Variants in PSMD1 observed in about 807,000 individuals in gnomAD.
PSMD1 encodes the protein proteasome 26S subunit, non-ATPase 1, also known as 26S proteasome non-ATPase regulatory subunit 1.
Under a neutral mutation model 119.0 loss-of-function variants are expected in PSMD1, and 18 were observed. The observed-to-expected ratio is 0.15, with a 90% CI of 0.10 to 0.22. PSMD1 has a LOEUF of 0.22. Ranked by LOEUF, PSMD1 falls within the 10% of genes least tolerant of loss-of-function variation. The pLI is 1.00. For missense variants in PSMD1, 702 were observed against 1,158.5 expected (o/e 0.61, Z 5.72); for synonymous variants, 374 against 396.6 (o/e 0.94, Z 0.68).
chr2:231,139,283 C>G (rs1319266927), intron 17 of PSMD1, among the ~76,000 whole-genome samples: 8 of 150,068 alleles, frequency 5.3e-5, no homozygotes, highest in Non-Finnish European at 1.2e-4. Flanking sequence ...GGATTACAGG[C>G]ATGAGCCACC....
intron 1 of PSMD1, among the ~76,000 whole-genome samples, chr2:231,058,520 CTTT>C (rs35559920): frequency 7.0e-6 from 1 of 142,642 alleles, no homozygotes; most frequent in Non-Finnish European, 1.5e-5. Flanking sequence ...ATATACAAAC[CTTT>C]TTTTTTTTTT....
chr2:231,120,904 A>G (rs1695518844), intron 16 of PSMD1, among the ~76,000 whole-genome samples: 2 of 152,342 alleles, frequency 1.3e-5, no homozygotes, highest in Non-Finnish European at 2.9e-5. Context: ...AGAAGTTCTT[A>G]TAAATGCATT....
chr2:231,083,007 TTCTA>T lies in PSMD1; in HGVS notation c.1525+14_1525+17del, dbSNP rs756711909. On this transcript the variant is annotated intron_variant, in intron 13 of 24. Coordinates refer to ENST00000308696, the MANE Select transcript of PSMD1 (RefSeq NM_002807.4). ...GATGCAGTAACAGGTAAGCATTTCT[TTCTA>T]AAGCTAACAAGCTTAAGTATTAATT... 5 of 1,568,268 alleles carry T rather than the reference TTCTA, an allele frequency of 3.2e-6. No individual in the cohort carries two copies. In the South Asian group the frequency reaches 5.6e-5, roughly 17 times the overall value.
chr2:231,162,576 C>T (rs752234702), intron 20 of PSMD1, among the ~76,000 whole-genome samples: 6 of 152,124 alleles, frequency 3.9e-5, no homozygotes, highest in Non-Finnish European at 7.4e-5. Context: ...TGTTTTTACT[C>T]TTTGTGATGA....
intron 10 of PSMD1, 44 bp downstream of exon 10, chr2:231,078,791 CT>C (rs748353083): frequency 0.1 from 35,090 of 339,988 alleles, 1 homozygote; most frequent in Non-Finnish European, 0.12. Context: ...AAATCTTTTT[CT>C]TTTTTTTTTT....
At chr2:231,067,871 G>C (rs1693945494) in intron 5 of PSMD1, among the ~76,000 whole-genome samples, 1 of 152,052 alleles carries the variant, frequency 6.6e-6, no homozygotes, top group Non-Finnish European at 1.5e-5. Flanking sequence ...TGACCAAGCT[G>C]GTCTCAAACT....
At chr2:231,096,386 C>A (rs1308737449) in intron 16 of PSMD1, among the ~76,000 whole-genome samples, 1 of 152,102 alleles carries the variant, frequency 6.6e-6, no homozygotes, top group Non-Finnish European at 1.5e-5. Context: ...TTCCTCTTCC[C>A]TACCCTTTTT....
chr2:231,074,271 A>G (rs757938514), intron 7 of PSMD1, among the ~76,000 whole-genome samples: 1 of 151,896 alleles, frequency 6.6e-6, no homozygotes, highest in Non-Finnish European at 1.5e-5. Flanking sequence ...ATGCCCGGCT[A>G]ATTTTTATAT....
intron 18 of PSMD1, among the ~76,000 whole-genome samples, chr2:231,148,619 T>G (rs944039402): frequency 1.3e-5 from 2 of 152,338 alleles, no homozygotes; most frequent in East Asian, 1.9e-4. Flanking sequence ...TAAATGTAAG[T>G]GTATATACCA....
chr2:231,157,092 T>C (rs562752206), intron 19 of PSMD1, among the ~76,000 whole-genome samples: 5 of 152,222 alleles, frequency 3.3e-5, no homozygotes, highest in Non-Finnish European at 7.4e-5. Flanking sequence ...TTTTCTCTTT[T>C]AGCTGCCACT....
intron 24 of PSMD1, among the ~76,000 whole-genome samples, chr2:231,171,121 A>G (rs1354651311): frequency 6.6e-6 from 1 of 152,214 alleles, no homozygotes; most frequent in African/African-American, 2.4e-5. Context: ...TGGATCAGTT[A>G]TAGTTGTGGA....
intron 4 of PSMD1, among the ~76,000 whole-genome samples, chr2:231,063,414 T>C (rs536213418): frequency 6.6e-6 from 1 of 152,340 alleles, no homozygotes; most frequent in East Asian, 1.9e-4. Flanking sequence ...AGACTTTGGA[T>C]TCATAGTACA....
chr2:231,113,571 A>G (rs1046930648), intron 16 of PSMD1, among the ~76,000 whole-genome samples: 2 of 152,238 alleles, frequency 1.3e-5, no homozygotes, highest in Non-Finnish European at 2.9e-5. Flanking sequence ...TAGAAGGCGT[A>G]TGATAAATGC....
chr2:231,148,559 A>G (rs920145594), intron 18 of PSMD1, among the ~76,000 whole-genome samples: 1 of 152,246 alleles, frequency 6.6e-6, no homozygotes, highest in Non-Finnish European at 1.5e-5. Context: ...TTAAAATGTC[A>G]AAGTGAAGTC....
At chr2:231,156,408 G>C (rs1021062471) in intron 19 of PSMD1, among the ~76,000 whole-genome samples, 1 of 151,992 alleles carries the variant, frequency 6.6e-6, no homozygotes. Flanking sequence ...CATTTTATGG[G>C]TTTTGACAGA....
intron 17 of PSMD1, among the ~76,000 whole-genome samples, chr2:231,141,681 T>C (rs1441610323): frequency 3.9e-5 from 6 of 152,000 alleles, no homozygotes; most frequent in African/African-American, 1.5e-4. Flanking sequence ...TTTACACTTA[T>C]TTATTGTTTG....
chr2:231,114,713 A>T (rs1695273274), intron 16 of PSMD1, among the ~76,000 whole-genome samples: 2 of 152,328 alleles, frequency 1.3e-5, no homozygotes, highest in South Asian at 4.1e-4. Context: ...CACTTTAGAA[A>T]TATTAACCTT....
chr2:231,146,662 A>T (rs1696260379), intron 18 of PSMD1, among the ~76,000 whole-genome samples: 1 of 152,192 alleles, frequency 6.6e-6, no homozygotes, highest in Non-Finnish European at 1.5e-5. Context: ...TGTCCTTTTA[A>T]AATGTATTCA....
chr2:231,170,835 C>A lies in PSMD1; in HGVS notation c.*9+114C>A. On this transcript the variant is annotated intron_variant, in intron 24 of 24. Coordinates refer to ENST00000308696, the MANE Select transcript of PSMD1 (RefSeq NM_002807.4). This position sits in a 1 kb window ranked among gnomAD's most constrained non-coding sequence, Gnocchi z 4.1. ...TCCTTTTGTGTTTAATCCTTATTTACCTAAACAGTATTAAAACTTCCCCGT... is the reference window on the plus strand; with the variant it reads ...TCCTTTTGTGTTTAATCCTTATTTAACTAAACAGTATTAAAACTTCCCCGT... The A allele has an allele frequency of 1.7e-6, 2 of 1,164,416 alleles. No homozygotes were observed. Among genetic ancestry groups the A allele is most frequent in the Non-Finnish European group, 2.4e-6 (2 of 850,450 alleles). The allele number at this position is 1,164,416 out of a possible 1,614,324, so 72.1% of individuals were successfully genotyped here.
Sources: gnomAD v4.1 joint callset for allele counts (sites outside exome capture counted in the v4.1 genomes callset) on GRCh38, gnomAD v4.1.1 for gene constraint, Gnocchi (gnomAD v3.1) non-coding constraint, MANE v1.5 for transcripts, NCBI Gene and HGNC (gene_info 2026-07-23, HGNC 2026-07-21) for gene names.